The following FILIP1L variants were observed in gnomAD, a reference collection of about 807,000 sequenced individuals.
FILIP1L encodes the protein filamin A-interacting protein 1-like.
In FILIP1L, 55 loss-of-function variants were observed where a neutral mutation model predicts 96.6. The observed-to-expected ratio is 0.57, with a 90% CI of 0.46 to 0.71. The LOEUF (loss-of-function observed/expected upper bound fraction) is 0.71, where lower values mean the gene tolerates loss of function less well. Among genes scored for constraint, FILIP1L ranks in the 30% least tolerant of loss-of-function variants. The pLI is 0.00. For synonymous variants in FILIP1L, 467 were observed against 473.9 expected (o/e 0.99, Z 0.19); for missense variants, 1,304 against 1,321.2 (o/e 0.99, Z 0.20).
chr3:99,933,116 C>T (rs902429712), intron 1 of FILIP1L, among the ~76,000 whole-genome samples: 1 of 152,172 alleles, frequency 6.6e-6, no homozygotes, highest in African/African-American at 2.4e-5. Flanking sequence ...AGTGGCAAAA[C>T]TGGGATTTGA....
intron 1 of FILIP1L, among the ~76,000 whole-genome samples, chr3:99,931,831 T>C (rs1230650052): frequency 1.3e-5 from 2 of 152,324 alleles, no homozygotes; most frequent in African/African-American, 2.4e-5. Context: ...AATGAATTTA[T>C]AATAGGAAGA....
In FILIP1L at chr3:99,907,393, G is replaced by T. The variant is rs374636684; in HGVS notation, c.605+16837C>A. Among the ~76,000 whole-genome samples, 3 of 151,888 alleles carry T rather than the reference G, an allele frequency of 2.0e-5. No individual in the cohort carries two copies. The South Asian group carries it at 6.2e-4, about 32-fold the overall frequency. On this transcript the variant is annotated intron_variant, in intron 4 of 5. Transcript: ENST00000477258. The stretch of plus-strand genomic sequence containing the variant: ...CTCCCCAACAGCTGGGACTACAGGC[G>T]CCCACCACCACGCCCAACTAATTTT...
At chr3:99,952,886 G>T (rs1213295122) in intron 1 of FILIP1L, among the ~76,000 whole-genome samples, 1 of 152,062 alleles carries the variant, frequency 6.6e-6, no homozygotes, top group Admixed American at 6.5e-5. Flanking sequence ...ATGAAAAAAA[G>T]AATGCTATAG....
rs1033652891 is a variant in FILIP1L at position 99,829,502 on chromosome 3, G to A, written c.*912C>T. On this transcript the variant is annotated 3_prime_UTR_variant, in exon 6 of 6. Transcript: ENST00000477258. ...TTCATAGGTTATCAGAACTGGAAGG[G>A]ACCTGAGGAATTATTTCACTTTCCT... Among the ~76,000 whole-genome samples the A allele has an allele frequency of 4.6e-5, 7 of 152,178 alleles. No homozygotes were observed. The highest frequency in any genetic ancestry group is 1.7e-4 in the African/African-American group (7 of 41,442).
intron 4 of FILIP1L, among the ~76,000 whole-genome samples, chr3:99,907,916 T>G (rs1169061009): frequency 1.3e-5 from 2 of 152,214 alleles, no homozygotes; most frequent in Non-Finnish European, 2.9e-5. Flanking sequence ...ATCCAGTGCC[T>G]GGCACATGGA....
intron 1 of FILIP1L, among the ~76,000 whole-genome samples, chr3:100,109,582 G>A (rs1045090643): frequency 6.6e-6 from 1 of 152,070 alleles, no homozygotes; most frequent in Non-Finnish European, 1.5e-5. Flanking sequence ...AACTCATTCA[G>A]GATGCAGCTT....
chr3:99,988,859 A>G (rs1427912848), intron 1 of FILIP1L, among the ~76,000 whole-genome samples: 2 of 152,112 alleles, frequency 1.3e-5, no homozygotes, highest in African/African-American at 2.4e-5. Flanking sequence ...AGGTGCCTTC[A>G]TTCTCCTGGC....
chr3:100,034,444 G>A (rs2065073239), intron 1 of FILIP1L, among the ~76,000 whole-genome samples: 1 of 152,024 alleles, frequency 6.6e-6, no homozygotes. Context: ...ACTGGCTTTA[G>A]TAAGGAATGC....
chr3:100,048,835 T>TA (rs935298352), intron 1 of FILIP1L, among the ~76,000 whole-genome samples: 8 of 151,770 alleles, frequency 5.3e-5, no homozygotes, highest in East Asian at 1.9e-4. Context: ...TTTTACTCTT[T>TA]AAAAAAAAAT....
chr3:100,041,760 C>T (rs996267823), intron 1 of FILIP1L, among the ~76,000 whole-genome samples: 16 of 152,116 alleles, frequency 1.1e-4, no homozygotes, highest in African/African-American at 3.9e-4. Context: ...GGTTTTAGAC[C>T]TACCAGAGAT....
chr3:99,862,911 T>C (rs1053570984), intron 4 of FILIP1L, among the ~76,000 whole-genome samples: 2 of 152,220 alleles, frequency 1.3e-5, no homozygotes, highest in African/African-American at 4.8e-5. Flanking sequence ...AATGCCAGCA[T>C]ATCAAAATGG....
Position 99,931,033 on chromosome 3 carries a change from G to A in FILIP1L, c.-10-3C>T, listed in dbSNP as rs1201923867. 1 of 1,607,910 alleles carries A rather than the reference G, an allele frequency of 6.2e-7. No individual in the cohort carries two copies. The highest frequency in any genetic ancestry group is 8.5e-7 in the Non-Finnish European group (1 of 1,177,394). On this transcript the variant is annotated splice_region_variant and splice_polypyrimidine_tract_variant and intron_variant, in intron 1 of 5. Coordinates refer to ENST00000477258, the MANE Select transcript of FILIP1L (RefSeq NM_001387850.1). ...CTCTGGAACGCATTCTTTAAAGCCTGGAAGGAGGGAAGAAAATTTGTAAAG... is the reference window on the plus strand; with the variant it reads ...CTCTGGAACGCATTCTTTAAAGCCTAGAAGGAGGGAAGAAAATTTGTAAAG...
intron 1 of FILIP1L, among the ~76,000 whole-genome samples, chr3:100,111,229 G>C (rs2066485523): frequency 6.6e-6 from 1 of 152,134 alleles, no homozygotes; most frequent in Non-Finnish European, 1.5e-5. Flanking sequence ...AGGGGGAGGA[G>C]TGAAACTTTC....
At chr3:100,005,828 G>A (rs971036281) in intron 1 of FILIP1L, among the ~76,000 whole-genome samples, 1 of 152,152 alleles carries the variant, frequency 6.6e-6, no homozygotes, top group Admixed American at 6.5e-5. Flanking sequence ...GAACTGAAAG[G>A]AGAGAACTTG....
intron 1 of FILIP1L, among the ~76,000 whole-genome samples, chr3:100,099,053 A>G (rs1197356225): frequency 6.6e-6 from 1 of 152,188 alleles, no homozygotes; most frequent in African/African-American, 2.4e-5. Context: ...GGAGTTTTCA[A>G]ATTTCTACCA....
At chr3:99,974,894 C>A (rs971124601) in intron 1 of FILIP1L, among the ~76,000 whole-genome samples, 1 of 152,142 alleles carries the variant, frequency 6.6e-6, no homozygotes, top group Admixed American at 6.6e-5. Flanking sequence ...GTTTGCCATA[C>A]CAGGTGGATT....
In FILIP1L at chr3:99,971,109, G is replaced by A. The variant is rs572709860; in HGVS notation, c.-10-40079C>T. On this transcript the variant is annotated intron_variant, in intron 1 of 5. Transcript: ENST00000477258. ...TCCCAGCACTTTGGGAGGCCAAGGCGGGCGGATCACTAGGTCAGGAGATCG... is the reference window on the plus strand; with the variant it reads ...TCCCAGCACTTTGGGAGGCCAAGGCAGGCGGATCACTAGGTCAGGAGATCG... 5.3e-5 allele frequency among the ~76,000 whole-genome samples: 8 copies of A among 152,234 alleles called. No homozygotes were observed. The South Asian group carries it at 1.2e-3, about 24-fold the overall frequency.
chr3:99,859,672 G>C (rs573108295), intron 4 of FILIP1L, among the ~76,000 whole-genome samples: 1 of 152,052 alleles, frequency 6.6e-6, no homozygotes, highest in East Asian at 1.9e-4. Context: ...ACTGTGTTGC[G>C]TTGATAGTAG....
At position 100,066,522 on chromosome 3, in the gene FILIP1L, T is replaced by C. The variant is rs2065667296; in HGVS notation, c.-11+47531A>G. 4.0e-5 allele frequency among the ~76,000 whole-genome samples: 3 copies of C among 74,116 alleles called. 1 individual carries two copies. Among genetic ancestry groups the C allele is most frequent in the Non-Finnish European group, 8.9e-5 (3 of 33,646 alleles). 48.6% of individuals were successfully genotyped at this position (74,116 alleles called of 152,430 possible). A position where few individuals can be genotyped will look rare whatever the true frequency, so the allele number is the denominator to read the frequency against. On this transcript the variant is annotated intron_variant, in intron 1 of 5. Coordinates refer to ENST00000477258, the MANE Select transcript of FILIP1L (RefSeq NM_001387850.1). ...TGATGTGGAAGGCTTTGCTTCTTTTTTTTTTTTTTTTTTTTTTTTTTTTTT... is the reference window on the plus strand; with the variant it reads ...TGATGTGGAAGGCTTTGCTTCTTTTCTTTTTTTTTTTTTTTTTTTTTTTTT...
Sources: allele counts gnomAD v4.1 joint callset (sites outside exome capture counted in the v4.1 genomes callset), GRCh38; gene constraint gnomAD v4.1.1; transcripts MANE v1.5; gene names NCBI Gene and HGNC (gene_info 2026-07-23, HGNC 2026-07-21).